KLK13: variants seen among roughly 807,000 people sequenced by gnomAD.
KLK13 encodes the protein kallikrein-13.
A neutral mutation model predicts 22.4 loss-of-function variants in KLK13; 19 were observed. The observed-to-expected ratio is 0.85, with a 90% CI of 0.59 to 1.24. The LOEUF is 1.24. KLK13 is among the 50% of genes most tolerant of loss of function. The pLI is 0.00. For missense variants in KLK13, 311 were observed against 347.9 expected, an observed-to-expected ratio of 0.89 and a Z score of 0.84; for synonymous variants, 156 against 141.8, an observed-to-expected ratio of 1.10 and a Z score of -0.71.
chr19:51,057,862 C>A (rs1344281185), intron 4 of KLK13, among the ~76,000 whole-genome samples: 1 of 152,110 alleles, frequency 6.6e-6, no homozygotes, highest in East Asian at 1.9e-4. Flanking sequence ...GCAGTTTGTC[C>A]CTGCCCCTCT....
intron 4 of KLK13, among the ~76,000 whole-genome samples, chr19:51,057,401 T>A (rs28398128): frequency 3.3e-5 from 5 of 152,216 alleles, no homozygotes; most frequent in African/African-American, 9.6e-5. Context: ...CTCTTATTTT[T>A]AAAAAATTAA....
At chr19:51,062,889 C>T (rs1404320) in intron 1 of KLK13, among the ~76,000 whole-genome samples, 53,437 of 152,032 alleles carry the variant, frequency 0.35, 10,071 homozygotes, top group African/African-American at 0.46. Context: ...TCCCCAACTA[C>T]AGGGCAAGCA....
chr19:51,059,752 C>T, intron 3 of KLK13, 73 bp downstream of exon 3: 1 of 1,301,836 alleles, frequency 7.7e-7, no homozygotes, highest in Non-Finnish European at 1.0e-6. Flanking sequence ...TACCTCAGAC[C>T]TTCCCTCCCA....
At position 51,065,062 on chromosome 19, in the gene KLK13, C is replaced by A; in HGVS notation, c.6G>T (p.Trp2Cys). The change falls in exon 1 of 5, where the codon TGG becomes TGT. Residue 2 changes from tryptophan to cysteine, a missense_variant. By Grantham distance (215) the Trp-to-Cys change is radical (BLOSUM62 -2). Coordinates refer to ENST00000595793, the MANE Select transcript of KLK13 (RefSeq NM_015596.3). Reference sequence around the variant, plus strand: ...GGGAGGCGATCACTAGGGCCAGGGGCCACATGGCTCCGGGATCGGGAGGGG... The same window carrying A: ...GGGAGGCGATCACTAGGGCCAGGGGACACATGGCTCCGGGATCGGGAGGGG... M[W>C]PLALVIASLT... 2 of 1,537,366 alleles carry A rather than the reference C, an allele frequency of 1.3e-6. No homozygotes were observed. The highest frequency in any genetic ancestry group is 8.8e-7 in the Non-Finnish European group (1 of 1,137,430).
chr19:51,063,915 C>T, intron 1 of KLK13: 1 of 449,804 alleles, frequency 2.2e-6, no homozygotes. Flanking sequence ...TGAATAACAT[C>T]TGCGTCTGTC....
intron 1 of KLK13, chr19:51,064,487 C>CAAA (rs35554667): frequency 2.6e-3 from 416 of 158,318 alleles, no homozygotes; most frequent in East Asian, 8.1e-3. Flanking sequence ...GGTTCCATCT[C>CAAA]AAAAAAAAAA....
At chr19:51,062,407 A>C (rs2091738750) in intron 1 of KLK13, among the ~76,000 whole-genome samples, 1 of 152,134 alleles carries the variant, frequency 6.6e-6, no homozygotes, top group African/African-American at 2.4e-5. Flanking sequence ...AATGATTGCT[A>C]TTCATTTCTC....
At chr19:51,064,977 C>T (rs1020578966) in intron 1 of KLK13, 39 bp downstream of exon 1, 5 of 1,541,306 alleles carry the variant, frequency 3.2e-6, no homozygotes, top group South Asian at 1.2e-5. Context: ...TACCATTGTC[C>T]CGAATGGCCG....
Position 51,059,637 on chromosome 19 carries a change from C to A in KLK13, c.508+188G>T, listed in dbSNP as rs180793415. 6.2e-3 allele frequency: 1,957 copies of A among 318,006 alleles called. 27 individuals carry two copies. Among genetic ancestry groups the A allele is most frequent in the African/African-American group, 0.039 (1,802 of 45,728 alleles). 19.7% of individuals were successfully genotyped at this position (318,006 alleles called of 1,614,324 possible). On this transcript the variant is annotated intron_variant, in intron 3 of 4. Transcript: ENST00000595793. ...TTCTATATATTCATGAATTTATATA[C>A]TCATATTTTTATATATTCATGAATT...
chr19:51,061,191 A>T (rs1433410429), intron 1 of KLK13, among the ~76,000 whole-genome samples: 3 of 139,660 alleles, frequency 2.1e-5, no homozygotes, highest in African/African-American at 7.6e-5. Context: ...TCATCCATCC[A>T]TCCATCCATC....
At chr19:51,065,100 G>T, upstream of KLK13, 3 of 1,269,434 alleles carry the variant, frequency 2.4e-6, no homozygotes, top group Non-Finnish European at 3.3e-6. Context: ...GGCAGGGCGG[G>T]CGGGGCCTGA....
rs140335627 is a variant in KLK13 at position 51,055,663 on chromosome 19, T to C, written c.*924A>G. On this transcript the variant is annotated 3_prime_UTR_variant, in exon 5 of 5. Transcript: ENST00000595793. ...CTTGACATTTATTCTTGTAATAATG[T>C]TACAATTAAAAAAAATTATGAACCC... Among the ~76,000 whole-genome samples, 103 of 152,284 alleles carry C rather than the reference T, an allele frequency of 6.8e-4. 3 individuals are homozygous for C. Among genetic ancestry groups the C allele is most frequent in the African/African-American group, 2.5e-3 (102 of 41,536 alleles).
At chr19:51,063,755 T>C in intron 1 of KLK13, 1 of 457,792 alleles carries the variant, frequency 2.2e-6, no homozygotes, top group South Asian at 1.5e-5. Flanking sequence ...CACAGATCCC[T>C]CCTTTTTCAG....
Position 51,058,600 on chromosome 19 carries a change from C to T in KLK13, c.583G>A (p.Gly195Arg). ...CACAACATGTTGTCAGTGATCTTTC[C>T]TGGGTAGACTTGACGACACTCCTCA... Reference protein sequence around the residue: ...SDEECRQVYPGKITDNMLCAG... With the variant: ...SDEECRQVYPRKITDNMLCAG... The change falls in exon 4 of 5, where the codon GGA (glycine) becomes AGA (arginine). Residue 195 changes from glycine (G) to arginine (R), a missense_variant. Coordinates refer to ENST00000595793, the MANE Select transcript of KLK13 (RefSeq NM_015596.3). 1 of 1,614,172 alleles carries T rather than the reference C, an allele frequency of 6.2e-7. No individual in the cohort carries two copies. Among genetic ancestry groups the T allele is most frequent in the Non-Finnish European group, 8.5e-7 (1 of 1,180,038 alleles).
intron 1 of KLK13, chr19:51,064,723 C>T (rs2091763979): frequency 6.3e-6 from 4 of 632,666 alleles, no homozygotes; most frequent in Admixed American, 2.2e-5. Flanking sequence ...AGCGTCAGGA[C>T]GCGAACCCAT....
intron 3 of KLK13, among the ~76,000 whole-genome samples, chr19:51,058,894 G>C (rs1420544622): frequency 1.3e-5 from 2 of 152,080 alleles, no homozygotes; most frequent in African/African-American, 4.8e-5. Flanking sequence ...GAGAAAAGTG[G>C]AGGGAAGGAC....
rs536448378 is a variant in KLK13 at position 51,061,219 on chromosome 19, A to G, written c.53-600T>C. On this transcript the variant is annotated intron_variant, in intron 1 of 4. Transcript: ENST00000595793. ...CATCCATCCATCCATCCATCCATCC[A>G]TCCATCCATCCAATCCAACCATCCA... Among the ~76,000 whole-genome samples, 4 of 149,832 alleles carry G rather than the reference A, an allele frequency of 2.7e-5. No individual in the cohort carries two copies. The South Asian group carries it at 8.5e-4, about 32-fold the overall frequency.
rs2091671308 is a variant in KLK13 at position 51,055,900 on chromosome 19, AC to A, written c.*686del. 6.6e-6 allele frequency among the ~76,000 whole-genome samples: 1 copy of A among 152,196 alleles called. No homozygotes were observed. The highest frequency in any genetic ancestry group is 1.5e-5 in the Non-Finnish European group (1 of 68,044). On this transcript the variant is annotated 3_prime_UTR_variant, in exon 5 of 5. Transcript: ENST00000595793. ...TATACTGAACCCTATAACTCTAGAG[AC>A]TAGGGTGCCATTGATTCAGAGAGGG...
intron 3 of KLK13, among the ~76,000 whole-genome samples, chr19:51,058,985 GGA>G (rs1351948180): frequency 6.6e-6 from 1 of 151,910 alleles, no homozygotes; most frequent in Non-Finnish European, 1.5e-5. Context: ...TTGGAGAGAG[GGA>G]GTTGGAATAG....
Sources: allele counts gnomAD v4.1 joint callset (sites outside exome capture counted in the v4.1 genomes callset), GRCh38; gene constraint gnomAD v4.1.1; transcripts MANE v1.5; gene names NCBI Gene and HGNC (gene_info 2026-07-23, HGNC 2026-07-21).